The following CLEC16A variants were observed in gnomAD, a reference collection of about 807,000 sequenced individuals.
CLEC16A encodes the protein protein CLEC16A.
A neutral mutation model predicts 109.5 loss-of-function variants in CLEC16A; 51 were observed. That is an observed-to-expected ratio of 0.47 (90% CI 0.37 to 0.59). CLEC16A has a LOEUF of 0.59. CLEC16A is among the 20% of genes least tolerant of loss of function. The pLI is 0.00. For missense variants in CLEC16A, 1,339 were observed against 1,394.0 expected (o/e 0.96, Z 0.63); for synonymous variants, 673 against 564.2 (o/e 1.19, Z -2.73).
intron 22 of CLEC16A, chr16:11,156,982 C>G: frequency 1.0e-6 from 1 of 965,684 alleles, no homozygotes; most frequent in Non-Finnish European, 1.4e-6. Flanking sequence ...CCCTCACAGG[C>G]AGACCTTCAC....
chr16:11,040,149 T>G, intron 14 of CLEC16A: 1 of 415,100 alleles, frequency 2.4e-6, no homozygotes. Context: ...TTGCTGAGAT[T>G]GTCAATGTTT....
At chr16:11,125,902 T>TGGGGGGGGGGGGGGG in intron 21 of CLEC16A, 77 bp from the exon 22 acceptor site, 13 of 349,750 alleles carry the variant, frequency 3.7e-5, no homozygotes, top group Middle Eastern at 1.1e-3. Flanking sequence ...GCCACTACGA[T>TGGGGGGGGGGGGGGG]GTCCCCCCCC....
chr16:11,156,849 C>G (rs907200798), intron 22 of CLEC16A, among the ~76,000 whole-genome samples: 3 of 152,018 alleles, frequency 2.0e-5, no homozygotes, highest in Non-Finnish European at 2.9e-5. Flanking sequence ...CCATCCAACC[C>G]TCTGTGGCCT....
chr16:11,101,276 G>A (rs1228002378), intron 19 of CLEC16A, among the ~76,000 whole-genome samples: 2 of 152,046 alleles, frequency 1.3e-5, no homozygotes, highest in Non-Finnish European at 2.9e-5. Flanking sequence ...ATAGTCCTAG[G>A]TGTGGCTTTA....
At chr16:11,008,757 G>C (rs746292060) in intron 11 of CLEC16A, among the ~76,000 whole-genome samples, 1 of 150,538 alleles carries the variant, frequency 6.6e-6, no homozygotes, top group Non-Finnish European at 1.5e-5. Flanking sequence ...TTGGGAGGCC[G>C]AGGTGGGCAG....
At chr16:11,125,517 G>A (rs751922782) in intron 21 of CLEC16A, among the ~76,000 whole-genome samples, 3 of 152,180 alleles carry the variant, frequency 2.0e-5, no homozygotes, top group Non-Finnish European at 4.4e-5. Flanking sequence ...CCCACTCAGA[G>A]TTACACATGT....
intron 19 of CLEC16A, among the ~76,000 whole-genome samples, chr16:11,066,910 G>A (rs1002579406): frequency 1.3e-5 from 2 of 152,010 alleles, no homozygotes; most frequent in Admixed American, 6.6e-5. Context: ...GCCCAGAAAA[G>A]CATCAAAACA....
chr16:11,114,203 T>C (rs2051811674), intron 19 of CLEC16A, among the ~76,000 whole-genome samples: 1 of 150,500 alleles, frequency 6.6e-6, no homozygotes. Flanking sequence ...CATTCCTGGC[T>C]GCCCCCTTCC....
At chr16:11,148,640 A>C (rs794423) in intron 22 of CLEC16A, among the ~76,000 whole-genome samples, 147,003 of 152,300 alleles carry the variant, frequency 0.97, 70,965 homozygotes, top group East Asian at 1. Flanking sequence ...AAAGCCCACC[A>C]TCTTAGCTTA....
intron 14 of CLEC16A, 63 bp from the exon 15 acceptor site, chr16:11,042,191 C>G (rs2302557): frequency 0.6 from 721,247 of 1,207,986 alleles, 222,284 homozygotes; most frequent in African/African-American, 0.92. Context: ...GGATAGGCAG[C>G]AGTCTTGGGT....
intron 11 of CLEC16A, among the ~76,000 whole-genome samples, chr16:11,007,465 C>G (rs1012491853): frequency 6.6e-6 from 1 of 152,150 alleles, no homozygotes; most frequent in African/African-American, 2.4e-5. Context: ...AGATCTGAAT[C>G]CCAGCTCTGC....
chr16:11,051,019 G>A (rs909428804), intron 17 of CLEC16A, among the ~76,000 whole-genome samples: 5 of 152,170 alleles, frequency 3.3e-5, no homozygotes, highest in African/African-American at 1.2e-4. Context: ...TCCCTCATCA[G>A]CAAAGTGGGA....
intron 1 of CLEC16A, among the ~76,000 whole-genome samples, chr16:10,956,130 G>T (rs1280388203): frequency 2.0e-5 from 3 of 152,280 alleles, no homozygotes; most frequent in East Asian, 3.9e-4. Flanking sequence ...GCCCCCTCCC[G>T]CAGCCTTTTG....
intron 7 of CLEC16A, among the ~76,000 whole-genome samples, chr16:10,975,454 C>G (rs1205878928): frequency 6.6e-6 from 1 of 152,076 alleles, no homozygotes; most frequent in African/African-American, 2.4e-5. Context: ...ATTTTTTAAA[C>G]CAAAGTATTA....
At chr16:11,137,692 C>A (rs1483549352) in intron 22 of CLEC16A, among the ~76,000 whole-genome samples, 1 of 151,664 alleles carries the variant, frequency 6.6e-6, no homozygotes, top group Admixed American at 6.6e-5. Context: ...GCCTGTAGTC[C>A]CAGCTACTCA....
intron 22 of CLEC16A, chr16:11,149,873 T>G (rs967125885): frequency 2.0e-5 from 3 of 152,186 alleles, no homozygotes; most frequent in African/African-American, 7.2e-5. Context: ...TTGCCTTATT[T>G]TTATTTTTCC....
chr16:10,978,515 G>A (rs1292158698), intron 8 of CLEC16A, among the ~76,000 whole-genome samples: 6 of 152,162 alleles, frequency 3.9e-5, no homozygotes, highest in African/African-American at 1.4e-4. Flanking sequence ...CAGGTGATAC[G>A]CCTGCCTCGG....
chr16:11,178,359 C>T lies in CLEC16A; in HGVS notation c.2831C>T (p.Pro944Leu). 1 of 1,613,240 alleles carries T rather than the reference C, an allele frequency of 6.2e-7. No homozygotes were observed. The highest frequency in any genetic ancestry group is 1.1e-5 in the South Asian group (1 of 90,992). The change falls in exon 24 of 24, where the codon CCT becomes CTT. Residue 944 changes from proline (P) to leucine (L), a missense_variant. Transcript: ENST00000409790. The surrounding 1 kb of genome is among the most constrained non-coding windows in gnomAD (Gnocchi z 6.5). The part of the protein sequence containing the change: ...PADAPMSPEL[P>L]KPHLPDQLVI... ...GATGCCCCCATGAGTCCAGAACTGC[C>T]TAAGCCTCACCTTCCTGACCAGTTG...
intron 17 of CLEC16A, 43 bp from the exon 18 acceptor site, chr16:11,051,470 A>C (rs965551825): frequency 6.3e-7 from 1 of 1,586,156 alleles, no homozygotes; most frequent in South Asian, 1.1e-5. Context: ...CCTCCTTCCA[A>C]GTAAGGAATC....
Sources: gnomAD v4.1 joint callset for allele counts (sites outside exome capture counted in the v4.1 genomes callset) on GRCh38, gnomAD v4.1.1 for gene constraint, Gnocchi (gnomAD v3.1) non-coding constraint, MANE v1.5 for transcripts, NCBI Gene and HGNC (gene_info 2026-07-23, HGNC 2026-07-21) for gene names.